Variants in CUX1 observed in about 807,000 individuals in gnomAD.
The protein encoded by CUX1 is protein CASP.
A neutral mutation model predicts 158.8 loss-of-function variants in CUX1; 31 were observed. That is an observed-to-expected ratio of 0.20 (90% CI 0.15 to 0.26). CUX1 has a LOEUF of 0.26. CUX1 is among the 10% of genes least tolerant of loss of function. The probability of loss-of-function intolerance (pLI) is 1.00; values close to 1 mark genes in which losing one functional copy is unlikely to be tolerated. For missense variants in CUX1, 1,589 were observed against 2,014.6 expected, an observed-to-expected ratio of 0.79 and a Z score of 4.04; for synonymous variants, 879 against 862.1, an observed-to-expected ratio of 1.02 and a Z score of -0.34.
intron 3 of CUX1, among the ~76,000 whole-genome samples, chr7:102,034,404 G>T (rs1292032549): frequency 1.3e-5 from 2 of 152,032 alleles, no homozygotes; most frequent in African/African-American, 2.4e-5. Context: ...GCTAGGCATG[G>T]TGGTCAGGAG....
chr7:102,106,744 G>T (rs879976544), intron 6 of CUX1, among the ~76,000 whole-genome samples: 1 of 152,120 alleles, frequency 6.6e-6, no homozygotes, highest in African/African-American at 2.4e-5. Flanking sequence ...CCTACCTCAC[G>T]AGACCAGTCA....
intron 1 of CUX1, among the ~76,000 whole-genome samples, chr7:101,835,291 G>A (rs979466584): frequency 2.0e-5 from 3 of 152,078 alleles, no homozygotes; most frequent in Admixed American, 6.6e-5. Context: ...CAGTGTTTGC[G>A]GGGCTCACCC....
chr7:102,253,792 C>CA lies in CUX1; in HGVS notation c.*4751dup, dbSNP rs1199636876. ...AGCTGTACAGGGCGAGATGTAGCAACACGGGGCATGAGCGGTGGGCGTGCT... is the reference window on the plus strand; with the variant it reads ...AGCTGTACAGGGCGAGATGTAGCAACAACGGGGCATGAGCGGTGGGCGTGCT... On this transcript the variant is annotated 3_prime_UTR_variant, in exon 24 of 24. Transcript: ENST00000292535. The CA allele has an allele frequency of 6.1e-6, 6 of 985,562 alleles. No individual in the cohort carries two copies. In the African/African-American group the frequency reaches 8.7e-5, roughly 14 times the overall value. 61.1% of individuals were successfully genotyped at this position (985,562 alleles called of 1,614,324 possible). A position where few individuals can be genotyped will look rare whatever the true frequency, so the allele number is the denominator to read the frequency against.
intron 2 of CUX1, among the ~76,000 whole-genome samples, chr7:102,003,650 G>T (rs1384652736): frequency 2.0e-5 from 3 of 152,162 alleles, no homozygotes; most frequent in African/African-American, 7.2e-5. Context: ...GGTGGTTTCA[G>T]CCTCTGATTT....
At chr7:101,844,179 T>TCCCCGC (rs1218148805) in intron 1 of CUX1, among the ~76,000 whole-genome samples, 21 of 108,626 alleles carry the variant, frequency 1.9e-4, no homozygotes, top group Non-Finnish European at 3.1e-4. Flanking sequence ...ACCGTCCCCC[T>TCCCCGC]CCCCGCCCCC....
intron 1 of CUX1, among the ~76,000 whole-genome samples, chr7:101,909,828 C>G (rs1181461173): frequency 2.0e-5 from 3 of 152,214 alleles, no homozygotes; most frequent in African/African-American, 7.2e-5. Context: ...GGGAGCCTGG[C>G]CCTGTGCATC....
At chr7:101,848,710 G>A (rs1280025779) in intron 1 of CUX1, among the ~76,000 whole-genome samples, 1 of 151,974 alleles carries the variant, frequency 6.6e-6, no homozygotes, top group Non-Finnish European at 1.5e-5. Flanking sequence ...TAAGTGCACA[G>A]CAAACAGAAG....
rs1170194369 is a variant in CUX1, at chr7:102,275,138, C to T, written c.1451-109C>T. On this transcript the variant is annotated intron_variant, in intron 16 of 22. Transcript: ENST00000292538. The stretch of plus-strand genomic sequence containing the variant: ...GAGTCAGACACCATGTGGCTTCTAC[C>T]CCATGGCATTTGGCAGAAATCCCCC... 2.5e-5 allele frequency: 19 copies of T among 760,930 alleles called. 1 individual carries two copies. The highest frequency in any genetic ancestry group is 3.6e-5 in the African/African-American group (2 of 56,264). The allele number at this position is 760,930 out of a possible 1,614,324, so 47.1% of individuals were successfully genotyped here. A position where few individuals can be genotyped will look rare whatever the true frequency, so the allele number is the denominator to read the frequency against.
intron 1 of CUX1, among the ~76,000 whole-genome samples, chr7:101,825,753 C>CTGTG (rs537662700): frequency 0.056 from 7,292 of 129,112 alleles, 247 homozygotes; most frequent in East Asian, 0.094. Flanking sequence ...TTAATGAAAT[C>CTGTG]TGTGTGTGTG....
chr7:102,047,147 A>ATGAATGTAGCCGTTGCCTTCATGAAGCT (rs1822911536), intron 3 of CUX1, among the ~76,000 whole-genome samples: 3 of 152,224 alleles, frequency 2.0e-5, no homozygotes, highest in Admixed American at 1.3e-4. Context: ...TGGTAGGTGA[A>ATGAATGTAGCCGTTGCCTTCATGAAGCT]TGAATGTAGC....
intron 9 of CUX1, among the ~76,000 whole-genome samples, chr7:102,164,778 A>G (rs1462926047): frequency 1.3e-5 from 2 of 152,010 alleles, no homozygotes; most frequent in Admixed American, 1.3e-4. Flanking sequence ...GCAGGGCCTT[A>G]GCCCATCATC....
At position 101,916,332 on chromosome 7, in the gene CUX1, C is replaced by T. The variant is rs976552807; in HGVS notation, c.141+107C>T. On this transcript the variant is annotated intron_variant, in intron 2 of 23. Coordinates refer to ENST00000292535, the MANE Select transcript of CUX1 (RefSeq NM_181552.4). This position sits in a 1 kb window ranked among gnomAD's most constrained non-coding sequence, Gnocchi z 4.4. ...CATTTTCATCAGATGAACGCACGGCCGGCAAACAACCCGTTTCTTTCCCCA... is the reference window on the plus strand; with the variant it reads ...CATTTTCATCAGATGAACGCACGGCTGGCAAACAACCCGTTTCTTTCCCCA... The T allele has an allele frequency of 2.1e-5, 15 of 712,068 alleles. No individual in the cohort carries two copies. Among genetic ancestry groups the T allele is most frequent in the South Asian group, 4.5e-5 (3 of 66,464 alleles). The allele number at this position is 712,068 out of a possible 1,614,324, so 44.1% of individuals were successfully genotyped here.
Position 102,251,419 on chromosome 7 carries a change from T to C in CUX1, c.*2377T>C. The stretch of plus-strand genomic sequence containing the variant: ...TTTAACCTGCAGCTGCAGCACTTAG[T>C]TCACGTTTTCACAAATTTCAAGAGT... On this transcript the variant is annotated 3_prime_UTR_variant, in exon 24 of 24. Coordinates refer to ENST00000292535, the MANE Select transcript of CUX1 (RefSeq NM_181552.4). 1 of 985,410 alleles carries C rather than the reference T, an allele frequency of 1.0e-6. No homozygotes were observed. The highest frequency in any genetic ancestry group is 1.2e-6 in the Non-Finnish European group (1 of 829,928). The allele number at this position is 985,410 out of a possible 1,614,324, so 61.0% of individuals were successfully genotyped here.
chr7:101,886,517 T>C (rs1320755159), intron 1 of CUX1, among the ~76,000 whole-genome samples: 1 of 152,144 alleles, frequency 6.6e-6, no homozygotes, highest in Non-Finnish European at 1.5e-5. Flanking sequence ...CACCTTTTTG[T>C]GGACTTTTCT....
chr7:101,870,899 C>T (rs918216067), intron 1 of CUX1, among the ~76,000 whole-genome samples: 3 of 152,170 alleles, frequency 2.0e-5, no homozygotes, highest in African/African-American at 4.8e-5. Flanking sequence ...AATAGTAAGG[C>T]GCCTCGCCTA....
intron 1 of CUX1, among the ~76,000 whole-genome samples, chr7:101,885,616 C>T (rs1392148277): frequency 3.3e-5 from 5 of 152,040 alleles, no homozygotes; most frequent in African/African-American, 9.7e-5. Context: ...AGGCCCAGGC[C>T]GCAGGGTCCC....
intron 21 of CUX1, among the ~76,000 whole-genome samples, chr7:102,228,996 G>T (rs574214897): frequency 6.6e-6 from 1 of 152,184 alleles, no homozygotes; most frequent in Non-Finnish European, 1.5e-5. Flanking sequence ...GAGTAACCAC[G>T]CCTGCCTGGG....
Position 102,189,871 on chromosome 7 carries a change from A to G in CUX1, c.1076A>G (p.Asn359Ser), listed in dbSNP as rs782332181. ...ADYEEVKKEL[N>S]ILKSMEFAPS... ...TATGAAGAGGTGAAGAAAGAGCTGA[A>G]GTAAGTACGGAGAGCCCTGTGGCCC... The change falls in exon 12 of 24, where the codon AAC (asparagine) becomes AGC (serine). Residue 359 changes from asparagine (N) to serine (S), a missense_variant and splice_region_variant. Physicochemically the swap from Asn to Ser is conservative, Grantham distance 46 (BLOSUM62 1). This residue lies in a region of CUX1 where 515 missense variants were observed against 574.4 expected (regional missense o/e 0.90). Coordinates refer to ENST00000292535, the MANE Select transcript of CUX1 (RefSeq NM_181552.4). 1 of 1,614,246 alleles carries G rather than the reference A, an allele frequency of 6.2e-7. No homozygotes were observed. Among genetic ancestry groups the G allele is most frequent in the Non-Finnish European group, 8.5e-7 (1 of 1,180,036 alleles).
chr7:101,837,828 C>CAAAAAA (rs200090006), intron 1 of CUX1, among the ~76,000 whole-genome samples: 4 of 44,372 alleles, frequency 9.0e-5, no homozygotes, highest in Non-Finnish European at 1.1e-4. Flanking sequence ...GAGACCCTGT[C>CAAAAAA]AAAAAAAAAA....
Sources: allele counts gnomAD v4.1 joint callset (sites outside exome capture counted in the v4.1 genomes callset), GRCh38; gene constraint gnomAD v4.1.1; regional missense constraint gnomAD v4.1.1; non-coding constraint Gnocchi (gnomAD v3.1); transcripts MANE v1.5; gene names NCBI Gene and HGNC (gene_info 2026-07-23, HGNC 2026-07-21).